CYP39A1: variants seen among roughly 807,000 people sequenced by gnomAD.
CYP39A1 encodes 24-hydroxycholesterol 7-alpha-hydroxylase.
Under a neutral mutation model 58.1 loss-of-function variants are expected in CYP39A1, and 49 were observed. The observed-to-expected ratio is 0.84, with a 90% CI of 0.67 to 1.07. The LOEUF (loss-of-function observed/expected upper bound fraction) is 1.07, where lower values mean the gene tolerates loss of function less well. Ranked by LOEUF, CYP39A1 falls within the 50% of genes least tolerant of loss-of-function variation. The probability of loss-of-function intolerance (pLI) is 0.00; values close to 1 mark genes in which losing one functional copy is unlikely to be tolerated. For missense variants in CYP39A1, 531 were observed against 539.4 expected (o/e 0.98, Z 0.16); for synonymous variants, 209 against 187.6 (o/e 1.11, Z -0.93).
chr6:46,651,286 C>T (rs1762670905), intron 1 of CYP39A1, among the ~76,000 whole-genome samples: 1 of 152,166 alleles, frequency 6.6e-6, no homozygotes, highest in Non-Finnish European at 1.5e-5. Context: ...AAAAGTTTGG[C>T]AGCAACCTAT....
Position 46,587,102 on chromosome 6 carries a change from TTCCAAATGCCATGAAGCAG to T in CYP39A1, c.1206_1224del (p.Asp402GlufsTer15). 1.2e-6 allele frequency: 2 copies of T among 1,612,034 alleles called. No individual in the cohort carries two copies. Among genetic ancestry groups the T allele is most frequent in the Non-Finnish European group, 1.7e-6 (2 of 1,179,108 alleles). ...CTTGCAGGACACTGGAACTTCCCGC[TTCCAAATGCCATGAAGCAG>T]TCCAAGAAAGAGTGCTTCTCTAAAT... On this transcript the variant is annotated frameshift_variant, in exon 10 of 12. Coordinates refer to ENST00000275016, the MANE Select transcript of CYP39A1 (RefSeq NM_016593.5). LOFTEE classifies it high-confidence loss of function.
chr6:46,608,953 A>G (rs1303687712), intron 7 of CYP39A1, among the ~76,000 whole-genome samples: 1 of 152,138 alleles, frequency 6.6e-6, no homozygotes, highest in Non-Finnish European at 1.5e-5. Flanking sequence ...GATAGCGAGA[A>G]TGGGCTGGTT....
intron 10 of CYP39A1, among the ~76,000 whole-genome samples, chr6:46,565,137 A>G (rs1771208756): frequency 6.6e-6 from 1 of 152,168 alleles, no homozygotes; most frequent in Non-Finnish European, 1.5e-5. Flanking sequence ...ACTTGCATTT[A>G]TTACAAGTTT....
Position 46,603,706 on chromosome 6 carries a change from G to A in CYP39A1, c.932-7586C>T, listed in dbSNP as rs555697213. On this transcript the variant is annotated intron_variant, in intron 7 of 11. Transcript: ENST00000275016. ...CAGACACTTTTTGGTTTACTCACTC[G>A]TTTACACGTCTATGGCTGTTTTCAC... 1.1e-4 allele frequency among the ~76,000 whole-genome samples: 16 copies of A among 152,224 alleles called. No homozygotes were observed. The South Asian group carries it at 1.7e-3, about 16-fold the overall frequency.
At chr6:46,581,555 T>C (rs1231287948) in intron 10 of CYP39A1, among the ~76,000 whole-genome samples, 2 of 152,138 alleles carry the variant, frequency 1.3e-5, no homozygotes, top group Non-Finnish European at 2.9e-5. Context: ...CTAAATGAAT[T>C]AATACAGGAA....
chr6:46,556,786 C>A (rs1770685383), intron 10 of CYP39A1, among the ~76,000 whole-genome samples: 1 of 152,080 alleles, frequency 6.6e-6, no homozygotes, highest in Admixed American at 6.5e-5. Context: ...TAAAAGAATA[C>A]AACACAACCC....
In CYP39A1 at chr6:46,587,081, C is replaced by G. The variant is rs1333155858; in HGVS notation, c.1246G>C (p.Ala416Pro). The G allele has an allele frequency of 5.6e-6, 9 of 1,609,488 alleles. No individual in the cohort carries two copies. Among genetic ancestry groups the G allele is most frequent in the South Asian group, 2.2e-5 (2 of 90,314 alleles). The change falls in exon 10 of 12, where the codon GCA becomes CCA. Residue 416 changes from alanine (A) to proline (P), a missense_variant. Coordinates refer to ENST00000275016, the MANE Select transcript of CYP39A1 (RefSeq NM_016593.5). ...TGGCCCAGCTGTCTCACTGACCTTGCAGGACACTGGAACTTCCCGCTTCCA... is the reference window on the plus strand; with the variant it reads ...TGGCCCAGCTGTCTCACTGACCTTGGAGGACACTGGAACTTCCCGCTTCCA... ...AFGSGKFQCPARWFALLEVQM... is the reference protein window; with the variant it reads ...AFGSGKFQCPPRWFALLEVQM...
At chr6:46,595,060 A>C (rs1454278106) in intron 8 of CYP39A1, among the ~76,000 whole-genome samples, 4 of 152,130 alleles carry the variant, frequency 2.6e-5, no homozygotes, top group African/African-American at 9.6e-5. Flanking sequence ...AGGTATAAAA[A>C]AATGCTCAAC....
At chr6:46,596,594 C>A (rs1421686987) in intron 7 of CYP39A1, among the ~76,000 whole-genome samples, 3 of 150,972 alleles carry the variant, frequency 2.0e-5, no homozygotes, top group African/African-American at 7.3e-5. Context: ...TCATTCATTT[C>A]AAAAAAACAA....
Position 46,600,442 on chromosome 6 carries a change from C to T in CYP39A1, c.932-4322G>A, listed in dbSNP as rs532932811. On this transcript the variant is annotated intron_variant, in intron 7 of 11. Transcript: ENST00000275016. The stretch of plus-strand genomic sequence containing the variant: ...AGCAAATAAGCCCCTTTCGATTACA[C>T]CTGACTATGCTAATGAAGTGACTCT... 2.6e-5 allele frequency among the ~76,000 whole-genome samples: 4 copies of T among 152,052 alleles called. No homozygotes were observed. In the South Asian group the frequency reaches 6.3e-4, roughly 24 times the overall value.
In CYP39A1 at chr6:46,591,536, A is replaced by T. The variant is rs1368804694; in HGVS notation, c.1066-3407T>A. 3.3e-5 allele frequency among the ~76,000 whole-genome samples: 5 copies of T among 152,190 alleles called. No individual in the cohort carries two copies. In the East Asian group the frequency reaches 9.6e-4, roughly 29 times the overall value. Reference sequence around the variant, plus strand: ...TTAGAAAACTATGTATCATGTTAGCATGTAAGAGGTTTTTGTTATTTTAAA... The same window carrying T: ...TTAGAAAACTATGTATCATGTTAGCTTGTAAGAGGTTTTTGTTATTTTAAA... On this transcript the variant is annotated intron_variant, in intron 8 of 11. Coordinates refer to ENST00000275016, the MANE Select transcript of CYP39A1 (RefSeq NM_016593.5).
At chr6:46,616,192 T>A (rs1186382570) in intron 7 of CYP39A1, among the ~76,000 whole-genome samples, 62 of 3,758 alleles carry the variant, frequency 0.016, 8 homozygotes, top group Non-Finnish European at 0.02. Context: ...TCTTTCTTCT[T>A]TCCCTCCCTC....
intron 7 of CYP39A1, among the ~76,000 whole-genome samples, chr6:46,617,899 A>G (rs1265187980): frequency 6.6e-6 from 1 of 152,152 alleles, no homozygotes; most frequent in Non-Finnish European, 1.5e-5. Flanking sequence ...ATTAGACATA[A>G]ATAGTCTCAT....
chr6:46,600,022 T>C (rs897997182), intron 7 of CYP39A1, among the ~76,000 whole-genome samples: 39 of 152,308 alleles, frequency 2.6e-4, no homozygotes, highest in African/African-American at 8.7e-4. Flanking sequence ...CTGTGGTTCC[T>C]AACACAGATC....
intron 7 of CYP39A1, among the ~76,000 whole-genome samples, chr6:46,624,522 A>G (rs1775180985): frequency 6.6e-6 from 1 of 152,188 alleles, no homozygotes; most frequent in African/African-American, 2.4e-5. Context: ...ATGGTTGCCA[A>G]GCCAGTTTAC....
chr6:46,615,417 A>T (rs754634468), intron 7 of CYP39A1, among the ~76,000 whole-genome samples: 5 of 152,078 alleles, frequency 3.3e-5, no homozygotes, highest in Non-Finnish European at 7.4e-5. Context: ...ACTCTATAAA[A>T]GCAGACTAAG....
At chr6:46,564,553 G>A (rs769651030) in intron 10 of CYP39A1, among the ~76,000 whole-genome samples, 3 of 152,108 alleles carry the variant, frequency 2.0e-5, no homozygotes, top group Admixed American at 6.6e-5. Context: ...AAGGAAGGAG[G>A]AGTAAAGGAT....
chr6:46,557,129 T>C (rs1770701932), intron 10 of CYP39A1, among the ~76,000 whole-genome samples: 1 of 151,596 alleles, frequency 6.6e-6, no homozygotes, highest in East Asian at 1.9e-4. Flanking sequence ...TTAATTAACA[T>C]AACAAAGAAA....
intron 1 of CYP39A1, among the ~76,000 whole-genome samples, chr6:46,647,080 G>T (rs1412745563): frequency 6.6e-6 from 1 of 150,498 alleles, no homozygotes. Flanking sequence ...GCTTTATTTG[G>T]GCTTATTTTA....
Sources: gnomAD v4.1 joint callset for allele counts (sites outside exome capture counted in the v4.1 genomes callset) on GRCh38, gnomAD v4.1.1 for gene constraint, MANE v1.5 for transcripts, NCBI Gene and HGNC (gene_info 2026-07-23, HGNC 2026-07-21) for gene names.